Variants in ALK observed in about 807,000 individuals in gnomAD.
ALK encodes ALK receptor tyrosine kinase, also known as ALK tyrosine kinase receptor.
A neutral mutation model predicts 163.1 loss-of-function variants in ALK; 74 were observed. That is an observed-to-expected ratio of 0.45 (90% CI 0.38 to 0.55). The LOEUF (loss-of-function observed/expected upper bound fraction) is 0.55, where lower values mean the gene tolerates loss of function less well. ALK is among the 20% of genes least tolerant of loss of function. The pLI is 0.00. For missense variants in ALK, 2,063 were observed against 2,105.3 expected (o/e 0.98, Z 0.39); for synonymous variants, 960 against 843.2 (o/e 1.14, Z -2.40).
At chr2:29,578,097 T>G (rs1478828052) in intron 3 of ALK, among the ~76,000 whole-genome samples, 2 of 151,658 alleles carry the variant, frequency 1.3e-5, no homozygotes, top group Non-Finnish European at 3.0e-5. Flanking sequence ...AGGGACCCAG[T>G]GGGAGATAAC....
chr2:29,746,889 A>G (rs549830134), intron 1 of ALK, among the ~76,000 whole-genome samples: 13 of 152,360 alleles, frequency 8.5e-5, no homozygotes, highest in African/African-American at 2.9e-4. Context: ...TTGTGCAGAA[A>G]CATGACGAAA....
chr2:29,219,570 G>A (rs943453417), intron 23 of ALK, among the ~76,000 whole-genome samples: 1 of 152,226 alleles, frequency 6.6e-6, no homozygotes, highest in Admixed American at 6.5e-5. Context: ...CGTTGAGGAA[G>A]CCTGGATCCT....
At chr2:29,814,439 T>C (rs1289066187) in intron 1 of ALK, among the ~76,000 whole-genome samples, 1 of 151,846 alleles carries the variant, frequency 6.6e-6, no homozygotes, top group Non-Finnish European at 1.5e-5. Context: ...GGCGGGCGGA[T>C]CACGAGGTCA....
At position 29,805,386 on chromosome 2, in the gene ALK, G is replaced by C. The variant is rs575155353; in HGVS notation, c.668-87689C>G. Among the ~76,000 whole-genome samples the C allele has an allele frequency of 3.9e-5, 6 of 152,296 alleles. No homozygotes were observed. In the South Asian group the frequency reaches 1.2e-3, roughly 32 times the overall value. The stretch of plus-strand genomic sequence containing the variant: ...GGACATGTGCAGGACATGCAGATTT[G>C]TTACATGGCATACATAAATGTGTGC... On this transcript the variant is annotated intron_variant, in intron 1 of 28. Coordinates refer to ENST00000389048, the MANE Select transcript of ALK (RefSeq NM_004304.5).
intron 4 of ALK, among the ~76,000 whole-genome samples, chr2:29,510,583 T>C (rs1672483881): frequency 6.6e-6 from 1 of 152,212 alleles, no homozygotes; most frequent in South Asian, 2.1e-4. Flanking sequence ...ATAATTATAA[T>C]ATGTTTGCAG....
At chr2:29,500,967 G>A (rs1217186743) in intron 4 of ALK, among the ~76,000 whole-genome samples, 3 of 152,132 alleles carry the variant, frequency 2.0e-5, no homozygotes, top group African/African-American at 7.2e-5. Context: ...CCCACTATCA[G>A]CACTTGGTCT....
At chr2:29,507,872 T>C (rs866853722) in intron 4 of ALK, among the ~76,000 whole-genome samples, 2 of 152,322 alleles carry the variant, frequency 1.3e-5, no homozygotes, top group African/African-American at 2.4e-5. Flanking sequence ...AACCACCTAC[T>C]GATCATAATC....
At chr2:29,310,326 G>A (rs775432735) in intron 8 of ALK, among the ~76,000 whole-genome samples, 23 of 152,146 alleles carry the variant, frequency 1.5e-4, no homozygotes, top group East Asian at 1.9e-4. Context: ...GATAATGTAG[G>A]TGAAATGCTT....
chr2:29,715,908 G>C (rs1438005835), intron 2 of ALK, among the ~76,000 whole-genome samples: 1 of 152,204 alleles, frequency 6.6e-6, no homozygotes, highest in African/African-American at 2.4e-5. Flanking sequence ...GGCTGCTTAA[G>C]AATCACAGGA....
chr2:29,301,796 G>C (rs1666378087), intron 8 of ALK, among the ~76,000 whole-genome samples: 1 of 152,208 alleles, frequency 6.6e-6, no homozygotes, highest in South Asian at 2.1e-4. Flanking sequence ...CTGTGTTTTA[G>C]GCCAATCAGG....
At chr2:29,552,846 G>A (rs1673751956) in intron 3 of ALK, among the ~76,000 whole-genome samples, 1 of 152,104 alleles carries the variant, frequency 6.6e-6, no homozygotes, top group African/African-American at 2.4e-5. Flanking sequence ...CACACTACCA[G>A]AGCATGGGCT....
intron 4 of ALK, among the ~76,000 whole-genome samples, chr2:29,521,446 C>T (rs763798227): frequency 8.5e-5 from 13 of 152,186 alleles, no homozygotes; most frequent in Non-Finnish European, 1.3e-4. Flanking sequence ...CAGGAATAGA[C>T]ATTGCACCAA....
At chr2:29,219,109 A>T (rs1026544478) in intron 23 of ALK, among the ~76,000 whole-genome samples, 3 of 152,162 alleles carry the variant, frequency 2.0e-5, no homozygotes, top group African/African-American at 7.2e-5. Flanking sequence ...CATCCATAGA[A>T]TTGGGGAGAG....
intron 3 of ALK, among the ~76,000 whole-genome samples, chr2:29,657,639 A>C (rs949262487): frequency 6.6e-6 from 1 of 152,122 alleles, no homozygotes; most frequent in Non-Finnish European, 1.5e-5. Context: ...ATACACTTGA[A>C]AGTCACTTCT....
At chr2:29,216,971 CGTGGTGTGTGT>C (rs1573114166) in intron 23 of ALK, among the ~76,000 whole-genome samples, 1 of 64,266 alleles carries the variant, frequency 1.6e-5, no homozygotes, top group Non-Finnish European at 3.3e-5. Context: ...GTGGTGTGTG[CGTGGTGTGTGT>C]GTGGCATGTG....
At chr2:29,675,659 A>G (rs755158571) in intron 3 of ALK, among the ~76,000 whole-genome samples, 13 of 151,980 alleles carry the variant, frequency 8.6e-5, no homozygotes, top group Non-Finnish European at 1.9e-4. Context: ...TGCTGCTTAC[A>G]TGCTGTATGT....
At chr2:29,283,377 T>G (rs961160097) in intron 9 of ALK, among the ~76,000 whole-genome samples, 6 of 151,368 alleles carry the variant, frequency 4.0e-5, no homozygotes, top group Admixed American at 2.0e-4. Context: ...CGCCATCCAT[T>G]CTTCTTGGAG....
chr2:29,828,615 A>G (rs1231332118), intron 1 of ALK, among the ~76,000 whole-genome samples: 1 of 152,262 alleles, frequency 6.6e-6, no homozygotes, highest in Admixed American at 6.5e-5. Context: ...ACAATGAGAT[A>G]CCATCTCACA....
At chr2:29,598,262 G>C (rs904915244) in intron 3 of ALK, among the ~76,000 whole-genome samples, 1 of 152,218 alleles carries the variant, frequency 6.6e-6, no homozygotes, top group African/African-American at 2.4e-5. Context: ...CTGACCTCAG[G>C]TGATCCACCC....
Sources: allele counts gnomAD v4.1 joint callset (sites outside exome capture counted in the v4.1 genomes callset), GRCh38; gene constraint gnomAD v4.1.1; transcripts MANE v1.5; gene names NCBI Gene and HGNC (gene_info 2026-07-23, HGNC 2026-07-21).